IL1RAPL1: variants seen among roughly 807,000 people sequenced by gnomAD.
The protein encoded by IL1RAPL1 is interleukin 1 receptor accessory protein like 1, also known as interleukin-1 receptor accessory protein-like 1.
In IL1RAPL1, 3 loss-of-function variants were observed where a neutral mutation model predicts 48.4. The observed-to-expected ratio is 0.06, with a 90% confidence interval of 0.03 to 0.16. The LOEUF (loss-of-function observed/expected upper bound fraction) is 0.16, where lower values mean the gene tolerates loss of function less well. IL1RAPL1 is among the 10% of genes least tolerant of loss of function. IL1RAPL1 has a pLI of 1.00. For missense variants in IL1RAPL1, 349 were observed against 530.6 expected (o/e 0.66, Z 3.36); for synonymous variants, 185 against 187.7 (o/e 0.99, Z 0.12).
intron 6 of IL1RAPL1, among the ~76,000 whole-genome samples, chrX:29,807,241 T>C (rs1930275717): frequency 9.1e-6 from 1 of 109,856 alleles, no homozygotes; most frequent in South Asian, 3.8e-4. Flanking sequence ...TATATTAAAA[T>C]TGAAACATGA....
chrX:29,691,450 G>T (rs763217795), intron 6 of IL1RAPL1, among the ~76,000 whole-genome samples: 67 of 111,373 alleles, frequency 6.0e-4, no homozygotes, highest in African/African-American at 2.2e-3. Flanking sequence ...AAGACATTTA[G>T]ATTTCAGGAA....
chrX:29,675,880 C>T (rs1926271741), intron 6 of IL1RAPL1, among the ~76,000 whole-genome samples: 2 of 112,631 alleles, frequency 1.8e-5, no homozygotes, highest in Admixed American at 1.9e-4. Flanking sequence ...TGAGCCACCA[C>T]ACCCGGTTAA....
intron 6 of IL1RAPL1, among the ~76,000 whole-genome samples, chrX:29,803,716 T>A (rs761508902): frequency 9.3e-6 from 1 of 107,968 alleles, no homozygotes; most frequent in South Asian, 4.0e-4. Context: ...TTATAACTTT[T>A]AAAAAGTCAT....
At chrX:29,915,783 T>C (rs1426726396) in intron 6 of IL1RAPL1, among the ~76,000 whole-genome samples, 5 of 93,693 alleles carry the variant, frequency 5.3e-5, no homozygotes, top group East Asian at 6.8e-4. Flanking sequence ...AGTTTTAGGG[T>C]ACATGTGCAC....
chrX:29,764,944 G>A (rs1053196573), intron 6 of IL1RAPL1, among the ~76,000 whole-genome samples: 1 of 112,145 alleles, frequency 8.9e-6, no homozygotes, highest in Non-Finnish European at 1.9e-5. Context: ...GACAAGAGCC[G>A]CTGCTGAAAA....
chrX:28,604,996 C>T (rs1036301256), intron 1 of IL1RAPL1, among the ~76,000 whole-genome samples: 6 of 111,128 alleles, frequency 5.4e-5, no homozygotes, highest in Non-Finnish European at 1.1e-4. Flanking sequence ...CAATGGATCA[C>T]TCCTCCTCAG....
intron 1 of IL1RAPL1, among the ~76,000 whole-genome samples, chrX:28,716,796 T>A (rs1055327389): frequency 1.8e-5 from 2 of 111,273 alleles, no homozygotes; most frequent in African/African-American, 6.5e-5. Context: ...TATAAGGAAC[T>A]TCAACAAATT....
intron 2 of IL1RAPL1, among the ~76,000 whole-genome samples, chrX:28,904,226 T>C (rs1245749340): frequency 9.0e-6 from 1 of 111,601 alleles, no homozygotes; most frequent in African/African-American, 3.3e-5. Flanking sequence ...TGAAGTGAAT[T>C]TTGAGAACAT....
chrX:29,767,462 T>A (rs1268348004), intron 6 of IL1RAPL1, among the ~76,000 whole-genome samples: 2 of 111,892 alleles, frequency 1.8e-5, no homozygotes, highest in Non-Finnish European at 1.9e-5. Flanking sequence ...GAAAGTATAA[T>A]CTAAATGGTG....
chrX:28,621,592 C>A (rs952331759), intron 1 of IL1RAPL1, among the ~76,000 whole-genome samples: 2 of 111,758 alleles, frequency 1.8e-5, no homozygotes, highest in African/African-American at 6.5e-5. Flanking sequence ...ATGGCAAAAA[C>A]CTTTCTGTAA....
At chrX:29,355,277 A>G (rs1933287013) in intron 3 of IL1RAPL1, among the ~76,000 whole-genome samples, 1 of 111,785 alleles carries the variant, frequency 8.9e-6, no homozygotes, top group Non-Finnish European at 1.9e-5. Flanking sequence ...ATTTTGGGGT[A>G]TCATATTCTG....
intron 2 of IL1RAPL1, among the ~76,000 whole-genome samples, chrX:28,845,190 C>A (rs1178264637): frequency 1.8e-5 from 2 of 111,137 alleles, no homozygotes; most frequent in Non-Finnish European, 3.8e-5. Context: ...GATGTAGGGT[C>A]TTGTTTATTA....
chrX:29,663,033 G>A (rs1460644788), intron 5 of IL1RAPL1, among the ~76,000 whole-genome samples: 1 of 112,219 alleles, frequency 8.9e-6, no homozygotes, highest in Non-Finnish European at 1.9e-5. Context: ...TCCTTCTTCT[G>A]CAAGGACCAT....
intron 1 of IL1RAPL1, among the ~76,000 whole-genome samples, chrX:28,676,911 T>C: frequency 9.0e-6 from 1 of 111,655 alleles, no homozygotes; most frequent in East Asian, 2.8e-4. Context: ...GTACCAATTA[T>C]ATAACTCAGC....
At position 28,670,567 on chromosome X, in the gene IL1RAPL1, G is replaced by A. The variant is rs935629978; in HGVS notation, c.-25+82520G>A. On this transcript the variant is annotated intron_variant, in intron 1 of 10. Coordinates refer to ENST00000378993, the MANE Select transcript of IL1RAPL1 (RefSeq NM_014271.4). ...TGCAATCAGAACAGGGGTTGGAATG[G>A]TAATAACCAAATTCCTGCCACAGCT... Among the ~76,000 whole-genome samples the A allele has an allele frequency of 1.4e-4, 16 of 111,769 alleles. 1 individual carries two copies. Among genetic ancestry groups the A allele is most frequent in the Non-Finnish European group, 5.6e-5 (3 of 53,165 alleles).
chrX:29,178,340 A>G (rs1265795375), intron 2 of IL1RAPL1, among the ~76,000 whole-genome samples: 3 of 112,081 alleles, frequency 2.7e-5, no homozygotes, highest in African/African-American at 9.7e-5. Flanking sequence ...TTCTGTGATG[A>G]CCAGTGATGA....
chrX:28,656,549 C>T (rs1368015426), intron 1 of IL1RAPL1, among the ~76,000 whole-genome samples: 4 of 110,863 alleles, frequency 3.6e-5, no homozygotes, highest in Non-Finnish European at 7.5e-5. Context: ...TCATAAAGCC[C>T]CATCACAGCA....
At chrX:29,179,889 A>T (rs1313352908) in intron 2 of IL1RAPL1, among the ~76,000 whole-genome samples, 1 of 111,399 alleles carries the variant, frequency 9.0e-6, no homozygotes, top group African/African-American at 3.3e-5. Flanking sequence ...CTAAAAGACA[A>T]AAGTATCCGA....
intron 3 of IL1RAPL1, among the ~76,000 whole-genome samples, chrX:29,305,482 A>C (rs762577572): frequency 8.9e-6 from 1 of 111,924 alleles, no homozygotes; most frequent in African/African-American, 3.2e-5. Context: ...CAGATGCCAA[A>C]CCTTCCTGGA....
Sources: gnomAD v4.1 joint callset for allele counts (sites outside exome capture counted in the v4.1 genomes callset) on GRCh38, gnomAD v4.1.1 for gene constraint, MANE v1.5 for transcripts, NCBI Gene and HGNC (gene_info 2026-07-23, HGNC 2026-07-21) for gene names.